Variants in ITPRIPL1 observed in about 807,000 individuals in gnomAD.
ITPRIPL1 encodes the protein ITPRIP like 1, also known as inositol 1,4,5-trisphosphate receptor-interacting protein-like 1.
A neutral mutation model predicts 40.0 loss-of-function variants in ITPRIPL1; 28 were observed. The observed-to-expected ratio is 0.70, with a 90% CI of 0.52 to 0.96. The LOEUF (loss-of-function observed/expected upper bound fraction) is 0.96, where lower values mean the gene tolerates loss of function less well. Among genes scored for constraint, ITPRIPL1 ranks in the 40% least tolerant of loss-of-function variants. The pLI, the probability that ITPRIPL1 is intolerant of heterozygous loss-of-function variation, is 0.00. For synonymous variants in ITPRIPL1, 251 were observed against 275.7 expected, an observed-to-expected ratio of 0.91 and a Z score of 0.89; for missense variants, 638 against 698.0, an observed-to-expected ratio of 0.91 and a Z score of 0.97.
Position 96,328,142 on chromosome 2 carries a change from T to A in ITPRIPL1, c.1511T>A (p.Ile504Asn), listed in dbSNP as rs148930332. 3.7e-5 allele frequency: 59 copies of A among 1,613,890 alleles called. No homozygotes were observed. The African/African-American group carries it at 7.7e-4, about 21-fold the overall frequency. ...LIGNNFLPLT[I>N]PIPKTFRNAE... ...GGTAACAATTTTCTGCCCCTGACCATCCCAATCCCTAAGACATTTAGGAAT... is the reference window on the plus strand; with the variant it reads ...GGTAACAATTTTCTGCCCCTGACCAACCCAATCCCTAAGACATTTAGGAAT... Residue 504 changes from isoleucine (I) to asparagine (N), a missense_variant, in exon 3 of 3, where the codon ATC (isoleucine) becomes AAC (asparagine). Coordinates refer to ENST00000439118, the MANE Select transcript of ITPRIPL1 (RefSeq NM_001008949.3).
rs1479346930 is a variant in ITPRIPL1, at chr2:96,325,364, C to T, written c.-295C>T. ...GCGCGGGCGCCCTCGGAGCCGCGTG[C>T]TGGGGGTCGTAGGGGCCCACCGCGC... is the stretch of plus-strand genomic sequence containing the variant. On this transcript the variant is annotated 5_prime_UTR_variant, in exon 1 of 3. Transcript: ENST00000439118. The T allele has an allele frequency of 1.3e-5, 2 of 157,738 alleles. No homozygotes were observed. Among genetic ancestry groups the T allele is most frequent in the African/African-American group, 4.8e-5 (2 of 41,508 alleles). 9.8% of individuals were successfully genotyped at this position (157,738 alleles called of 1,614,324 possible). A position where few individuals can be genotyped will look rare whatever the true frequency, so the allele number is the denominator to read the frequency against.
Position 96,327,315 on chromosome 2 carries a change from C to G in ITPRIPL1, c.684C>G (p.Thr228=). ...GGGCTGCCTTTGAGAAATGGGGAAC[C>G]CTCCATGAGACCCAGAAATTTGATA... ...GIGAAFEKWG[T]LHETQKFDIL... Residue 228 remains threonine, a synonymous_variant, in exon 3 of 3, where the codon ACC becomes ACG. Coordinates refer to ENST00000439118, the MANE Select transcript of ITPRIPL1 (RefSeq NM_001008949.3). 6.2e-7 allele frequency: 1 copy of G among 1,614,150 alleles called. No homozygotes were observed. Among genetic ancestry groups the G allele is most frequent in the Non-Finnish European group, 8.5e-7 (1 of 1,180,030 alleles).
chr2:96,325,602 G>A (rs1171269966), intron 1 of ITPRIPL1, 37 bp downstream of exon 1: 1 of 592,570 alleles, frequency 1.7e-6, no homozygotes, highest in African/African-American at 1.9e-5. Flanking sequence ...GAGACATCCC[G>A]AGGTAGGATG....
At position 96,327,857 on chromosome 2, in the gene ITPRIPL1, TG is replaced by T; in HGVS notation, c.1230del (p.Arg411AlafsTer17). On this transcript the variant is annotated frameshift_variant, in exon 3 of 3. Coordinates refer to ENST00000439118, the MANE Select transcript of ITPRIPL1 (RefSeq NM_001008949.3). LOFTEE classifies it high-confidence loss of function. ...VACEHLFLKL[V>X]GRFAPENTCH... ...TGTGAGCACCTGTTCCTGAAGCTGG[TG>T]GGGCGCTTTGCCCCCGAGAACACCT... 1.2e-6 allele frequency: 2 copies of T among 1,614,124 alleles called. No homozygotes were observed. The highest frequency in any genetic ancestry group is 1.7e-6 in the Non-Finnish European group (2 of 1,180,022).
chr2:96,325,568 G>A lies in ITPRIPL1; in HGVS notation c.-94+3G>A. On this transcript the variant is annotated splice_donor_region_variant and intron_variant, in intron 1 of 2. Coordinates refer to ENST00000439118, the MANE Select transcript of ITPRIPL1 (RefSeq NM_001008949.3). Reference sequence around the variant, plus strand: ...TCGTGTTCCTACTAACACTGACGGTGAGTAACCTGGCCCTGGGTCCCGGGA... The same window carrying A: ...TCGTGTTCCTACTAACACTGACGGTAAGTAACCTGGCCCTGGGTCCCGGGA... The A allele has an allele frequency of 1.7e-6, 1 of 573,110 alleles. No homozygotes were observed. Among genetic ancestry groups the A allele is most frequent in the South Asian group, 2.0e-5 (1 of 49,462 alleles). The allele number at this position is 573,110 out of a possible 1,614,324, so 35.5% of individuals were successfully genotyped here.
rs777775962 is a variant in ITPRIPL1, at chr2:96,326,786, T to C, written c.155T>C (p.Met52Thr). ...CTGGAGAAGCGAATGAGTGAGGAGATGCGCCTGCTAGAGATGGAGTTTGAA... is the reference window on the plus strand; with the variant it reads ...CTGGAGAAGCGAATGAGTGAGGAGACGCGCCTGCTAGAGATGGAGTTTGAA... ...RQLEKRMSEE[M>T]RLLEMEFEER... Residue 52 changes from methionine (M) to threonine (T), a missense_variant, in exon 3 of 3, where the codon ATG becomes ACG. Transcript: ENST00000439118. 20 of 1,614,060 alleles carry C rather than the reference T, an allele frequency of 1.2e-5. No individual in the cohort carries two copies. The highest frequency in any genetic ancestry group is 1.2e-4 in the South Asian group (11 of 91,088).
At chr2:96,329,169 A>ATATATATATATATATATATC (rs2064143630), downstream of ITPRIPL1, 1 of 130,436 alleles carries the variant, frequency 7.7e-6, no homozygotes, top group African/African-American at 2.7e-5. Flanking sequence ...ATATATATAT[A>ATATATATATATATATATATC]TATATATATA....
In ITPRIPL1 at chr2:96,328,121, A is replaced by G. The variant is rs775686277; in HGVS notation, c.1490A>G (p.Asn497Ser). The change falls in exon 3 of 3, where the codon AAC becomes AGC. Residue 497 changes from asparagine (N) to serine (S), a missense_variant. Transcript: ENST00000439118. ...QRSLHHFLIGNNFLPLTIPIP... is the reference protein window; with the variant it reads ...QRSLHHFLIGSNFLPLTIPIP... ...TCCCTCCATCATTTCCTCATTGGTA[A>G]CAATTTTCTGCCCCTGACCATCCCA... 4 of 1,614,062 alleles carry G rather than the reference A, an allele frequency of 2.5e-6. No individual in the cohort carries two copies. The highest frequency in any genetic ancestry group is 2.5e-6 in the Non-Finnish European group (3 of 1,180,018).
Position 96,326,881 on chromosome 2 carries a change from C to T in ITPRIPL1, c.250C>T (p.Gln84Ter). The change falls in exon 3 of 3, where the codon CAG (glutamine) becomes TAG (stop). Residue 84 changes from glutamine to a stop codon, truncating the protein, a stop_gained. Coordinates refer to ENST00000439118, the MANE Select transcript of ITPRIPL1 (RefSeq NM_001008949.3). LOFTEE classifies it high-confidence loss of function. ...NFWTGDTSSD[Q>*]LVLGKKDMGW... ...CTGGACAGGAGACACATCCAGTGAC[C>T]AGTTAGTGCTGGGGAAGAAAGACAT... The T allele has an allele frequency of 6.2e-7, 1 of 1,614,208 alleles. No individual in the cohort carries two copies. The highest frequency in any genetic ancestry group is 8.5e-7 in the Non-Finnish European group (1 of 1,180,032).
At position 96,328,229 on chromosome 2, in the gene ITPRIPL1, T is replaced by C; in HGVS notation, c.1598T>C (p.Val533Ala). Residue 533 changes from valine to alanine, a missense_variant, in exon 3 of 3, where the codon GTG (valine) becomes GCG (alanine). Physicochemically the swap from Val to Ala is moderately conservative, Grantham distance 64. Transcript: ENST00000439118. ...AACCCCAAGGCACATTCACAGGCAG[T>C]GGAAGAGTTCCAAAACCTTCTGACC... ...VLNPKAHSQA[V>A]EEFQNLLTQV... 1.2e-6 allele frequency: 2 copies of C among 1,614,076 alleles called. No individual in the cohort carries two copies. The highest frequency in any genetic ancestry group is 4.5e-5 in the East Asian group (2 of 44,876).
At position 96,328,314 on chromosome 2, in the gene ITPRIPL1, A is replaced by C; in HGVS notation, c.*15A>C. On this transcript the variant is annotated 3_prime_UTR_variant, in exon 3 of 3. Coordinates refer to ENST00000439118, the MANE Select transcript of ITPRIPL1 (RefSeq NM_001008949.3). ...CAGCACCTTGATGTAAAGACCATTA[A>C]AAAAAAAACAGAGGAAGGTATTTCT... 4 of 1,571,152 alleles carry C rather than the reference A, an allele frequency of 2.5e-6. No individual in the cohort carries two copies. Among genetic ancestry groups the C allele is most frequent in the Non-Finnish European group, 3.4e-6 (4 of 1,162,694 alleles).
Position 96,327,230 on chromosome 2 carries a change from C to G in ITPRIPL1, c.599C>G (p.Ala200Gly). The change falls in exon 3 of 3, where the codon GCC (alanine) becomes GGC (glycine). Residue 200 changes from alanine (A) to glycine (G), a missense_variant. Physicochemically the swap from Ala to Gly is moderately conservative, Grantham distance 60. Coordinates refer to ENST00000439118, the MANE Select transcript of ITPRIPL1 (RefSeq NM_001008949.3). ...VESFVDDLIE[A>G]CRVLSRQEAH... ...AGTTTTGTGGATGATCTCATTGAGG[C>G]CTGTCGGGTGCTCAGCCGCCAAGAG... 1 of 1,614,124 alleles carries G rather than the reference C, an allele frequency of 6.2e-7. No individual in the cohort carries two copies. The highest frequency in any genetic ancestry group is 1.1e-5 in the South Asian group (1 of 91,062).
rs1279033427 is a variant in ITPRIPL1, at chr2:96,327,929, A to C, written c.1298A>C (p.Gln433Pro). 1 of 1,613,742 alleles carries C rather than the reference A, an allele frequency of 6.2e-7. No homozygotes were observed. Among genetic ancestry groups the C allele is most frequent in the Non-Finnish European group, 8.5e-7 (1 of 1,179,998 alleles). ...ATCATTTTAAGTCTCCGGCAGCATC[A>C]GAGCTTACCCCATGGAGCATCCCGC... ...LQIILSLRQH[Q>P]SLPHGASRPI... The change falls in exon 3 of 3, where the codon CAG becomes CCG. Residue 433 changes from glutamine to proline, a missense_variant. By Grantham distance (76) the Gln-to-Pro change is moderately conservative. Coordinates refer to ENST00000439118, the MANE Select transcript of ITPRIPL1 (RefSeq NM_001008949.3).
downstream of ITPRIPL1, chr2:96,328,544 G>T: frequency 2.3e-6 from 1 of 429,624 alleles, no homozygotes; most frequent in Non-Finnish European, 4.2e-6. Flanking sequence ...CCCAAAGAAG[G>T]TCCAGGGAAA....
chr2:96,326,997 C>T lies in ITPRIPL1; in HGVS notation c.366C>T (p.Leu122=), dbSNP rs773667978. 43 of 1,614,160 alleles carry T rather than the reference C, an allele frequency of 2.7e-5. No individual in the cohort carries two copies. Among genetic ancestry groups the T allele is most frequent in the Middle Eastern group, 1.6e-4 (1 of 6,062 alleles). Residue 122 remains leucine (L), a synonymous_variant, in exon 3 of 3, where the codon CTC becomes CTT. Coordinates refer to ENST00000439118, the MANE Select transcript of ITPRIPL1 (RefSeq NM_001008949.3). ...LWNTGLFCLF[L]VFELLRQNMQ... is the part of the protein sequence containing the mutation. ...ACACTGGCCTCTTTTGCCTTTTTCT[C>T]GTCTTTGAGCTCCTGCGACAGAACA... is the stretch of plus-strand genomic sequence containing the variant.
rs1200644168 is a variant in ITPRIPL1, at chr2:96,327,186, C to T, written c.555C>T (p.Cys185=). 1 of 1,614,062 alleles carries T rather than the reference C, an allele frequency of 6.2e-7. No individual in the cohort carries two copies. Among genetic ancestry groups the T allele is most frequent in the South Asian group, 1.1e-5 (1 of 91,078 alleles). ...YVQNAIRDLP[C]TCEFVESFVD... ...AAAATGCCATCCGTGACCTGCCCTG[C>T]ACCTGTGAGTTTGTGGAGAGTTTTG... The change falls in exon 3 of 3, where the codon TGC becomes TGT. Residue 185 remains cysteine, a synonymous_variant. Coordinates refer to ENST00000439118, the MANE Select transcript of ITPRIPL1 (RefSeq NM_001008949.3).
chr2:96,328,474 C>T, downstream of ITPRIPL1: 2 of 612,746 alleles, frequency 3.3e-6, no homozygotes. Flanking sequence ...CATAATGACC[C>T]TGCAGGGCCT....
Position 96,327,938 on chromosome 2 carries a change from C to T in ITPRIPL1, c.1307C>T (p.Pro436Leu). 1 of 1,614,112 alleles carries T rather than the reference C, an allele frequency of 6.2e-7. No homozygotes were observed. Among genetic ancestry groups the T allele is most frequent in the Non-Finnish European group, 8.5e-7 (1 of 1,180,024 alleles). The change falls in exon 3 of 3, where the codon CCC becomes CTC. Residue 436 changes from proline (P) to leucine (L), a missense_variant. Physicochemically the swap from Pro to Leu is moderately conservative, Grantham distance 98. Coordinates refer to ENST00000439118, the MANE Select transcript of ITPRIPL1 (RefSeq NM_001008949.3). ...ILSLRQHQSL[P>L]HGASRPILTS... ...AGTCTCCGGCAGCATCAGAGCTTAC[C>T]CCATGGAGCATCCCGCCCCATCCTC...
intron 1 of ITPRIPL1, 88 bp downstream of exon 1, chr2:96,325,653 T>C (rs1297340127): frequency 6.1e-6 from 4 of 654,502 alleles, no homozygotes; most frequent in Non-Finnish European, 8.3e-6. Flanking sequence ...AGAGTACAAA[T>C]CTCTGGGCGT....
Sources: allele counts gnomAD v4.1 joint callset, GRCh38; gene constraint gnomAD v4.1.1; transcripts MANE v1.5; gene names NCBI Gene and HGNC (gene_info 2026-07-23, HGNC 2026-07-21).